RIMS2: variants seen among roughly 807,000 people sequenced by gnomAD.
The protein encoded by RIMS2 is regulating synaptic membrane exocytosis 2.
RIMS2 carries 59 observed loss-of-function variants against 174.4 expected under a neutral mutation model. The ratio of observed to expected loss-of-function variants is 0.34; its 90% CI spans 0.27 to 0.42. The LOEUF (loss-of-function observed/expected upper bound fraction) is 0.42. Ranked by LOEUF, RIMS2 falls within the 10% of genes least tolerant of loss-of-function variation. The pLI, the probability that RIMS2 is intolerant of heterozygous loss-of-function variation, is 1.00. For synonymous variants in RIMS2, 606 were observed against 572.5 expected, an observed-to-expected ratio of 1.06 and a Z score of -0.84; for missense variants, 1,620 against 1,666.3, an observed-to-expected ratio of 0.97 and a Z score of 0.48.
At chr8:103,573,246 T>C (rs916709376) in intron 1 of RIMS2, among the ~76,000 whole-genome samples, 2 of 151,440 alleles carry the variant, frequency 1.3e-5, no homozygotes, top group Non-Finnish European at 2.9e-5. Context: ...TTTTTTTCAG[T>C]AGAGATGAGG....
chr8:103,502,199 C>T (rs1174092220), intron 1 of RIMS2, among the ~76,000 whole-genome samples: 1 of 152,094 alleles, frequency 6.6e-6, no homozygotes, highest in East Asian at 1.9e-4. Context: ...GTGTAGAGTT[C>T]CTCTGTGAAG....
rs374496599 is a variant in RIMS2, at chr8:103,961,083, A to G, written c.2720A>G (p.Asp907Gly). ...TTTATAGGGTCAAAGAGAATAAGTG[A>G]TAGTGAAGTCTCTGACTATGACTGT... Residue 907 changes from aspartate to glycine, a missense_variant, in exon 15 of 24, where the codon GAT (aspartate) becomes GGT (glycine). Physicochemically the swap from Asp to Gly is moderately conservative, Grantham distance 94. Coordinates refer to ENST00000504942, the Ensembl canonical transcript of RIMS2. 8.7e-6 allele frequency: 13 copies of G among 1,499,398 alleles called. No homozygotes were observed. In the African/African-American group the frequency reaches 1.5e-4, roughly 17 times the overall value. The allele number at this position is 1,499,398 out of a possible 1,614,324, so 92.9% of individuals were successfully genotyped here.
chr8:103,512,088 G>C (rs1332541193), intron 1 of RIMS2, among the ~76,000 whole-genome samples: 1 of 152,164 alleles, frequency 6.6e-6, no homozygotes, highest in Non-Finnish European at 1.5e-5. Flanking sequence ...TTGAGAAACT[G>C]TCTGCTGGGG....
chr8:103,779,965 T>C (rs1343985318), intron 3 of RIMS2, among the ~76,000 whole-genome samples: 7 of 152,068 alleles, frequency 4.6e-5, no homozygotes, highest in Admixed American at 4.6e-4. Flanking sequence ...CTGGATTCTC[T>C]ATTCTGTTTC....
At position 104,036,888 on chromosome 8, in the gene RIMS2, G is replaced by A. The variant is rs193229986; in HGVS notation, c.3334+22273G>A. 7.9e-5 allele frequency among the ~76,000 whole-genome samples: 12 copies of A among 152,058 alleles called. No homozygotes were observed. The East Asian group carries it at 2.3e-3, about 30-fold the overall frequency. Reference sequence around the variant, plus strand: ...TGAGACTCCTTCTAAAAACAAAAAAGTAAATAAAAAATAACCTTTTTATGT... The same window carrying A: ...TGAGACTCCTTCTAAAAACAAAAAAATAAATAAAAAATAACCTTTTTATGT... On this transcript the variant is annotated intron_variant, in intron 19 of 23. Transcript: ENST00000504942.
At chr8:103,622,614 T>C (rs955275850) in intron 1 of RIMS2, among the ~76,000 whole-genome samples, 1 of 152,204 alleles carries the variant, frequency 6.6e-6, no homozygotes, top group Admixed American at 6.5e-5. Flanking sequence ...TACATACAGA[T>C]GCACATTCCG....
intron 19 of RIMS2, among the ~76,000 whole-genome samples, chr8:104,080,711 T>A (rs369488862): frequency 6.6e-6 from 1 of 152,072 alleles, no homozygotes; most frequent in East Asian, 1.9e-4. Context: ...TTTTGTTATG[T>A]AATGGCTTTG....
intron 1 of RIMS2, among the ~76,000 whole-genome samples, chr8:103,643,575 G>A (rs1388612409): frequency 6.6e-6 from 1 of 152,090 alleles, no homozygotes; most frequent in African/African-American, 2.4e-5. Context: ...ACTGTTTATT[G>A]TAGCTGTGGT....
At chr8:103,975,720 A>G (rs372317715) in intron 16 of RIMS2, 34 of 380,196 alleles carry the variant, frequency 8.9e-5, no homozygotes, top group African/African-American at 6.8e-4. Context: ...GTCCATTTTG[A>G]AAGGCTTAAA....
intron 1 of RIMS2, among the ~76,000 whole-genome samples, chr8:103,556,476 TA>T (rs1172335548): frequency 6.6e-6 from 1 of 152,134 alleles, no homozygotes; most frequent in Non-Finnish European, 1.5e-5. Flanking sequence ...GTAGAGGAAA[TA>T]ATATTATTTT....
chr8:104,165,882 C>T (rs548843412), intron 19 of RIMS2, among the ~76,000 whole-genome samples: 1 of 152,062 alleles, frequency 6.6e-6, no homozygotes, highest in African/African-American at 2.4e-5. Context: ...TGGTGTCGTG[C>T]AGGCACTATG....
At chr8:103,575,866 G>T (rs992927045) in intron 1 of RIMS2, among the ~76,000 whole-genome samples, 1 of 152,006 alleles carries the variant, frequency 6.6e-6, no homozygotes, top group Non-Finnish European at 1.5e-5. Context: ...TATGCCTAAA[G>T]TTTCCCCAAA....
chr8:103,806,376 A>G (rs1381909233), intron 3 of RIMS2, among the ~76,000 whole-genome samples: 1 of 152,118 alleles, frequency 6.6e-6, no homozygotes, highest in African/African-American at 2.4e-5. Context: ...ATTTTAAATG[A>G]GAGTTCCATA....
chr8:104,191,751 A>C (rs1348709300), intron 19 of RIMS2, among the ~76,000 whole-genome samples: 1 of 151,946 alleles, frequency 6.6e-6, no homozygotes, highest in Non-Finnish European at 1.5e-5. Context: ...GCCCCAGAGC[A>C]AAATTCTTTT....
intron 2 of RIMS2, among the ~76,000 whole-genome samples, chr8:103,744,760 T>G (rs957671672): frequency 5.3e-5 from 8 of 152,192 alleles, no homozygotes; most frequent in African/African-American, 1.9e-4. Flanking sequence ...CCCTTGCTCT[T>G]CAGTGGGTTG....
At chr8:104,043,541 G>A (rs1467405973) in intron 19 of RIMS2, among the ~76,000 whole-genome samples, 16 of 151,576 alleles carry the variant, frequency 1.1e-4, no homozygotes, top group Non-Finnish European at 8.9e-5. Context: ...TGGGAAGGAT[G>A]TTAGTTGTGT....
At chr8:104,034,657 A>G (rs537838019) in intron 19 of RIMS2, among the ~76,000 whole-genome samples, 2 of 151,510 alleles carry the variant, frequency 1.3e-5, no homozygotes, top group East Asian at 3.9e-4. Flanking sequence ...TTTAGTAGAG[A>G]CGGGGTTTCA....
chr8:104,065,854 A>C (rs144660687), intron 19 of RIMS2, among the ~76,000 whole-genome samples: 116 of 152,270 alleles, frequency 7.6e-4, no homozygotes, highest in African/African-American at 2.7e-3. Flanking sequence ...AATTGATGAC[A>C]TATTTAAATG....
chr8:104,098,303 G>A (rs1200717272), intron 19 of RIMS2, among the ~76,000 whole-genome samples: 1 of 152,044 alleles, frequency 6.6e-6, no homozygotes, highest in African/African-American at 2.4e-5. Flanking sequence ...GCCTGAGAGT[G>A]ATGCAGTTTC....
Sources: allele counts gnomAD v4.1 joint callset (sites outside exome capture counted in the v4.1 genomes callset), GRCh38; gene constraint gnomAD v4.1.1; transcripts MANE v1.5; gene names NCBI Gene and HGNC (gene_info 2026-07-23, HGNC 2026-07-21).